Variants in RASA3 observed in about 807,000 individuals in gnomAD.
RASA3 encodes ras GTPase-activating protein 3.
Under a neutral mutation model 110.0 loss-of-function variants are expected in RASA3, and 73 were observed. That is an observed-to-expected ratio of 0.66 (90% CI 0.55 to 0.81). RASA3 has a LOEUF of 0.81. RASA3 is among the 30% of genes least tolerant of loss of function. The pLI is 0.00. For synonymous variants in RASA3, 500 were observed against 451.4 expected (o/e 1.11, Z -1.37); for missense variants, 976 against 1,113.2 (o/e 0.88, Z 1.75).
intron 4 of RASA3, 106 bp downstream of exon 4, chr13:114,040,894 G>A (rs2054390430): frequency 9.4e-7 from 1 of 1,064,458 alleles, no homozygotes; most frequent in Non-Finnish European, 1.4e-6. Flanking sequence ...TCCCAGTCAA[G>A]GCCGAAGCCC....
intron 3 of RASA3, among the ~76,000 whole-genome samples, chr13:114,046,486 A>C (rs757334085): frequency 1.3e-5 from 2 of 152,210 alleles, no homozygotes; most frequent in Non-Finnish European, 2.9e-5. Context: ...AGTCTTATTT[A>C]TCCTCACTTT....
rs1172239198 is a variant in RASA3, at chr13:114,099,016, C to CCCCTCCTTTTCTCAAGGTCAG, written c.56-25180_56-25179insCTGACCTTGAGAAAAGGAGGG. 1.1e-3 allele frequency among the ~76,000 whole-genome samples: 76 copies of CCCCTCCTTTTCTCAAGGTCAG among 70,890 alleles called. 2 individuals carry two copies. Among genetic ancestry groups the CCCCTCCTTTTCTCAAGGTCAG allele is most frequent in the Non-Finnish European group, 1.3e-3 (45 of 33,480 alleles). 46.5% of individuals were successfully genotyped at this position (70,890 alleles called of 152,430 possible). On this transcript the variant is annotated intron_variant, in intron 1 of 23. Transcript: ENST00000334062. ...CCGGCCACCCGAGCCCCCCAGACCA[C>CCCCTCCTTTTCTCAAGGTCAG]AGCAGTCGGGGCCCGGCCACCCGAG...
chr13:114,012,334 A>G (rs1317841505), intron 15 of RASA3, among the ~76,000 whole-genome samples: 3 of 144,346 alleles, frequency 2.1e-5, no homozygotes, highest in African/African-American at 5.7e-5. Context: ...CCGTCCACAC[A>G]CTCCACACAC....
chr13:114,040,078 C>T (rs929766035), intron 4 of RASA3, among the ~76,000 whole-genome samples: 6 of 152,266 alleles, frequency 3.9e-5, no homozygotes, highest in Admixed American at 1.3e-4. Context: ...CTCAATGACG[C>T]GTGCCTGTCC....
intron 1 of RASA3, among the ~76,000 whole-genome samples, chr13:114,087,199 G>T (rs1306633101): frequency 1.8e-5 from 2 of 108,692 alleles, no homozygotes; most frequent in Admixed American, 9.6e-5. Context: ...CTGGAGTATC[G>T]ACTCCCTTCG....
At chr13:114,080,707 T>C (rs1245557127) in intron 1 of RASA3, among the ~76,000 whole-genome samples, 1 of 151,806 alleles carries the variant, frequency 6.6e-6, no homozygotes, top group Admixed American at 6.6e-5. Flanking sequence ...GAAACAGGGG[T>C]CTCCCCCAGG....
At chr13:114,005,481 C>T (rs1029616553) in intron 18 of RASA3, among the ~76,000 whole-genome samples, 33 of 149,426 alleles carry the variant, frequency 2.2e-4, no homozygotes, top group East Asian at 3.9e-4. Context: ...CCAAGGTCAC[C>T]GAGAAGGTGG....
chr13:114,044,884 CAT>C (rs1426710819), intron 3 of RASA3, among the ~76,000 whole-genome samples: 2 of 152,058 alleles, frequency 1.3e-5, no homozygotes, highest in African/African-American at 4.8e-5. Flanking sequence ...GGAGAAGTCA[CAT>C]ATTTACGTGG....
At chr13:113,992,690 T>C (rs2053147384) in intron 21 of RASA3, 102 bp from the exon 22 acceptor site, 2 of 925,750 alleles carry the variant, frequency 2.2e-6, no homozygotes, top group African/African-American at 1.6e-5. Context: ...AAGACAACGA[T>C]TGTGTTGGAA....
chr13:114,015,101 C>T (rs2053758274), intron 14 of RASA3, 108 bp downstream of exon 14: 32 of 1,452,566 alleles, frequency 2.2e-5, no homozygotes, highest in Non-Finnish European at 2.7e-5. Context: ...TTCACGACCC[C>T]GCAGTTCTAG....
At chr13:114,072,038 C>T (rs2079580630) in intron 2 of RASA3, among the ~76,000 whole-genome samples, 1 of 152,178 alleles carries the variant, frequency 6.6e-6, no homozygotes, top group African/African-American at 2.4e-5. Flanking sequence ...TCCTTATAAC[C>T]CGGTGGAGTC....
At chr13:114,007,729 G>A (rs1214292286) in intron 17 of RASA3, 123 bp from the exon 18 acceptor site, 2 of 800,594 alleles carry the variant, frequency 2.5e-6, no homozygotes, top group Admixed American at 3.8e-5. Context: ...ACAGAATCTG[G>A]GCAAGTGAGT....
At position 114,018,924 on chromosome 13, in the gene RASA3, G is replaced by A. The variant is rs372821403; in HGVS notation, c.786-5C>T. The A allele has an allele frequency of 1.1e-5, 17 of 1,613,378 alleles. No individual in the cohort carries two copies. Among genetic ancestry groups the A allele is most frequent in the Non-Finnish European group, 1.4e-5 (17 of 1,179,960 alleles). ...TCCCGGGGCTGGAGGAAGTACCTGGGTGGGAGGGACACATGGAGGGGAGGC... is the reference window on the plus strand; with the variant it reads ...TCCCGGGGCTGGAGGAAGTACCTGGATGGGAGGGACACATGGAGGGGAGGC... On this transcript the variant is annotated splice_region_variant and splice_polypyrimidine_tract_variant and intron_variant, in intron 9 of 23. Coordinates refer to ENST00000334062, the MANE Select transcript of RASA3 (RefSeq NM_007368.4).
intron 10 of RASA3, 69 bp from the exon 11 acceptor site, chr13:114,018,321 G>C: frequency 2.0e-6 from 3 of 1,481,926 alleles, no homozygotes; most frequent in Non-Finnish European, 2.7e-6. Flanking sequence ...TCCCCACCTT[G>C]GCTGGGGTCT....
chr13:114,092,347 T>G (rs531658676), intron 1 of RASA3, among the ~76,000 whole-genome samples: 308 of 152,264 alleles, frequency 2.0e-3, no homozygotes, highest in African/African-American at 7.1e-3. Flanking sequence ...ATCCCATAGG[T>G]TTTGGTATGT....
rs183374088 is a variant in RASA3, at chr13:114,087,480, G to A, written c.56-13643C>T. On this transcript the variant is annotated intron_variant, in intron 1 of 23. Coordinates refer to ENST00000334062, the MANE Select transcript of RASA3 (RefSeq NM_007368.4). ...GCAGAGACCTCCTGGAGATGGGCGCGCTACACGAGCTTTTGAAATGAGCAA... is the reference window on the plus strand; with the variant it reads ...GCAGAGACCTCCTGGAGATGGGCGCACTACACGAGCTTTTGAAATGAGCAA... 1.1e-4 allele frequency among the ~76,000 whole-genome samples: 17 copies of A among 152,362 alleles called. No individual in the cohort carries two copies. The East Asian group carries it at 1.3e-3, about 12-fold the overall frequency.
chr13:114,070,203 T>G (rs1430294382), intron 2 of RASA3, among the ~76,000 whole-genome samples: 7 of 14,836 alleles, frequency 4.7e-4, no homozygotes, highest in African/African-American at 2.0e-3. Flanking sequence ...GCTGGGAGAC[T>G]GGGGGGTGGG....
At position 114,114,873 on chromosome 13, in the gene RASA3, G is replaced by A. The variant is rs535189091; in HGVS notation, c.55+17562C>T. Among the ~76,000 whole-genome samples the A allele has an allele frequency of 3.9e-5, 6 of 152,336 alleles. No homozygotes were observed. The highest frequency in any genetic ancestry group is 2.1e-4 in the South Asian group (1 of 4,830). The stretch of plus-strand genomic sequence containing the variant: ...CATAGCTCCCAGCTCCAGGGACGAC[G>A]CGGGGGTGCTAAGCTGGTAAGCTGG... On this transcript the variant is annotated intron_variant, in intron 1 of 23. Transcript: ENST00000334062. The surrounding 1 kb of genome is among the most constrained non-coding windows in gnomAD (Gnocchi z 4.8).
Position 113,981,983 on chromosome 13 carries a change from G to A in RASA3, c.2246-125C>T, listed in dbSNP as rs2052947265. ...CTTCCAACGCAAGCTCCTCCAGAAA[G>A]GGCTGACCACCACTCGTAAACGCAG... On this transcript the variant is annotated intron_variant, in intron 22 of 23. Coordinates refer to ENST00000334062, the MANE Select transcript of RASA3 (RefSeq NM_007368.4). 1.2e-5 allele frequency: 10 copies of A among 842,146 alleles called. 1 individual carries two copies. The South Asian group carries it at 1.9e-4, about 16-fold the overall frequency. 52.2% of individuals were successfully genotyped at this position (842,146 alleles called of 1,614,324 possible).
Sources: allele counts gnomAD v4.1 joint callset (sites outside exome capture counted in the v4.1 genomes callset), GRCh38; gene constraint gnomAD v4.1.1; non-coding constraint Gnocchi (gnomAD v3.1); transcripts MANE v1.5; gene names NCBI Gene and HGNC (gene_info 2026-07-23, HGNC 2026-07-21).